CELF2: variants seen among roughly 807,000 people sequenced by gnomAD.
CELF2 encodes CUG triplet repeat RNA-binding protein 2.
In CELF2, 8 loss-of-function variants were observed where a neutral mutation model predicts 62.6. That is an observed-to-expected ratio of 0.13 (90% CI 0.07 to 0.23). The LOEUF is 0.23. Ranked by LOEUF, CELF2 falls within the 10% of genes least tolerant of loss-of-function variation. CELF2 has a pLI of 1.00. For synonymous variants in CELF2, 258 were observed against 250.0 expected, an observed-to-expected ratio of 1.03 and a Z score of -0.30; for missense variants, 333 against 671.0, an observed-to-expected ratio of 0.50 and a Z score of 5.56.
chr10:10,933,553 G>C (rs1263744141), intron 2 of CELF2, among the ~76,000 whole-genome samples: 1 of 151,938 alleles, frequency 6.6e-6, no homozygotes, highest in Non-Finnish European at 1.5e-5. Context: ...AGTATCCAAC[G>C]GTAACTTTAT....
At chr10:11,140,426 G>A (rs2061150147) in intron 1 of CELF2, among the ~76,000 whole-genome samples, 1 of 151,794 alleles carries the variant, frequency 6.6e-6, no homozygotes, top group African/African-American at 2.4e-5. Context: ...ACATTTAAGT[G>A]CCCCATTTCA....
chr10:10,592,359 C>A, the CELF2 span, among the ~76,000 whole-genome samples: 1 of 152,060 alleles, frequency 6.6e-6, no homozygotes. Context: ...TTTTTTCTAT[C>A]CAGTTACAGG....
chr10:10,840,844 C>T (rs1316850947), intron 1 of CELF2, among the ~76,000 whole-genome samples: 1 of 151,928 alleles, frequency 6.6e-6, no homozygotes, highest in African/African-American at 2.4e-5. Flanking sequence ...CTCCCCTTGT[C>T]CCCCACCCCC....
chr10:10,643,548 CA>C, the CELF2 span, among the ~76,000 whole-genome samples: 97 of 152,196 alleles, frequency 6.4e-4, no homozygotes, highest in African/African-American at 2.3e-3. Context: ...GTCCTTATAG[CA>C]ATGTGAGAAT....
chr10:10,962,191 C>T (rs2049587894), intron 2 of CELF2, among the ~76,000 whole-genome samples: 1 of 152,168 alleles, frequency 6.6e-6, no homozygotes, highest in East Asian at 1.9e-4. Flanking sequence ...AGGCTCTCCT[C>T]TCTCATTTTC....
the CELF2 span, among the ~76,000 whole-genome samples, chr10:10,536,490 T>A: frequency 6.6e-6 from 1 of 152,228 alleles, no homozygotes; most frequent in Admixed American, 6.5e-5. Context: ...GAAGTGTTCC[T>A]CACGGAGGAG....
chr10:11,229,129 G>A (rs920909756), intron 3 of CELF2, among the ~76,000 whole-genome samples: 2 of 152,188 alleles, frequency 1.3e-5, no homozygotes, highest in African/African-American at 4.8e-5. Flanking sequence ...CAGTGCTGGG[G>A]TGAGTACAGA....
chr10:11,295,962 G>C (rs1195600420), intron 9 of CELF2, among the ~76,000 whole-genome samples: 1 of 152,154 alleles, frequency 6.6e-6, no homozygotes, highest in East Asian at 1.9e-4. Context: ...ACCTGGAGCA[G>C]GCTGGAGTCT....
chr10:11,140,471 G>A (rs1336241397), intron 1 of CELF2, among the ~76,000 whole-genome samples: 1 of 151,920 alleles, frequency 6.6e-6, no homozygotes, highest in Non-Finnish European at 1.5e-5. Flanking sequence ...AATACTGTAG[G>A]TGTGCAATAG....
intron 2 of CELF2, among the ~76,000 whole-genome samples, chr10:10,986,472 C>T (rs769815771): frequency 7.2e-5 from 11 of 152,020 alleles, no homozygotes; most frequent in South Asian, 2.1e-4. Flanking sequence ...AAGGTGAAAA[C>T]GTGTGATAGG....
At chr10:11,014,229 T>G (rs2056911502), upstream of CELF2, among the ~76,000 whole-genome samples, 1 of 152,210 alleles carries the variant, frequency 6.6e-6, no homozygotes, top group African/African-American at 2.4e-5. Flanking sequence ...GAAAAAGAAA[T>G]CCTTCAGTAA....
the CELF2 span, among the ~76,000 whole-genome samples, chr10:10,640,153 GTA>G: frequency 1.3e-5 from 2 of 152,060 alleles, no homozygotes; most frequent in Non-Finnish European, 2.9e-5. Flanking sequence ...CTTTAATTAT[GTA>G]TATATCTGTC....
chr10:10,631,405 T>G, the CELF2 span, among the ~76,000 whole-genome samples: 1 of 152,166 alleles, frequency 6.6e-6, no homozygotes, highest in Non-Finnish European at 1.5e-5. Flanking sequence ...AAACCACACT[T>G]CAAAGCTTTC....
At chr10:10,950,670 T>C (rs2048220824) in intron 2 of CELF2, among the ~76,000 whole-genome samples, 1 of 152,174 alleles carries the variant, frequency 6.6e-6, no homozygotes. Flanking sequence ...GGAAATTAGA[T>C]ATCGTTTACT....
intron 1 of CELF2, among the ~76,000 whole-genome samples, chr10:11,074,546 G>C (rs2071258477): frequency 6.6e-6 from 1 of 152,160 alleles, no homozygotes; most frequent in Non-Finnish European, 1.5e-5. Context: ...TTTTTGGTTT[G>C]CCTAATTAAT....
the CELF2 span, among the ~76,000 whole-genome samples, chr10:10,553,214 T>A: frequency 6.6e-6 from 1 of 152,112 alleles, no homozygotes; most frequent in African/African-American, 2.4e-5. Context: ...CTCCCCTTTA[T>A]AAAACGGTCA....
intron 3 of CELF2, among the ~76,000 whole-genome samples, chr10:11,231,069 G>T (rs537970654): frequency 1.3e-5 from 2 of 152,352 alleles, no homozygotes; most frequent in African/African-American, 2.4e-5. Flanking sequence ...GATGAGGGAT[G>T]CTGGGTCTAT....
intron 2 of CELF2, among the ~76,000 whole-genome samples, chr10:10,945,289 C>T (rs2047534905): frequency 6.6e-6 from 1 of 152,148 alleles, no homozygotes; most frequent in Admixed American, 6.5e-5. Flanking sequence ...AGCCTTGGGC[C>T]TTGGCTGATG....
At chr10:10,468,653 T>C in the CELF2 span, among the ~76,000 whole-genome samples, 1 of 151,994 alleles carries the variant, frequency 6.6e-6, no homozygotes, top group Non-Finnish European at 1.5e-5. Flanking sequence ...GTTGGGCCTC[T>C]TCAACTAGGG....
Sources: gnomAD v4.1 joint callset for allele counts (sites outside exome capture counted in the v4.1 genomes callset) on GRCh38, gnomAD v4.1.1 for gene constraint, MANE v1.5 for transcripts, NCBI Gene and HGNC (gene_info 2026-07-23, HGNC 2026-07-21) for gene names.